Variants in CAMK4 observed in about 807,000 individuals in gnomAD.
CAMK4 encodes the protein calcium/calmodulin dependent protein kinase IV, also known as calcium/calmodulin-dependent protein kinase type IV.
In CAMK4, 22 loss-of-function variants were observed where a neutral mutation model predicts 44.9. The observed-to-expected ratio is 0.49, with a 90% CI of 0.35 to 0.70. CAMK4 has a LOEUF of 0.70. Ranked by LOEUF, CAMK4 falls within the 30% of genes least tolerant of loss-of-function variation. The pLI is 0.01. For missense variants in CAMK4, 498 were observed against 586.8 expected, an observed-to-expected ratio of 0.85 and a Z score of 1.56; for synonymous variants, 218 against 215.4, an observed-to-expected ratio of 1.01 and a Z score of -0.11.
chr5:111,331,494 G>A (rs1240494976), intron 1 of CAMK4, among the ~76,000 whole-genome samples: 1 of 151,740 alleles, frequency 6.6e-6, no homozygotes, highest in African/African-American at 2.4e-5. Flanking sequence ...GAATGAAATG[G>A]TACAACCACA....
chr5:111,265,325 G>T (rs1231253877), intron 1 of CAMK4, among the ~76,000 whole-genome samples: 1 of 152,172 alleles, frequency 6.6e-6, no homozygotes, highest in Non-Finnish European at 1.5e-5. Context: ...ATGTGGTGTG[G>T]TTTTATACTT....
At chr5:111,439,744 C>T (rs1164173567) in intron 5 of CAMK4, among the ~76,000 whole-genome samples, 2 of 152,080 alleles carry the variant, frequency 1.3e-5, no homozygotes, top group Non-Finnish European at 2.9e-5. Context: ...TGAGCTCACC[C>T]TGGAAACACA....
intron 1 of CAMK4, among the ~76,000 whole-genome samples, chr5:111,314,822 T>G (rs1444391856): frequency 6.6e-6 from 1 of 152,120 alleles, no homozygotes; most frequent in Non-Finnish European, 1.5e-5. Flanking sequence ...GAGTTTTTAT[T>G]GTTGTTTAAA....
intron 1 of CAMK4, among the ~76,000 whole-genome samples, chr5:111,282,232 A>T (rs992748068): frequency 1.3e-5 from 2 of 152,174 alleles, no homozygotes; most frequent in Non-Finnish European, 2.9e-5. Flanking sequence ...TTTATCTAAC[A>T]TTTAAAATAC....
intron 1 of CAMK4, among the ~76,000 whole-genome samples, chr5:111,289,883 T>C (rs964501128): frequency 1.3e-5 from 2 of 152,218 alleles, no homozygotes; most frequent in East Asian, 3.8e-4. Context: ...ATACAGTAAC[T>C]CATTTCTTTA....
At chr5:111,314,260 T>C (rs193172021) in intron 1 of CAMK4, among the ~76,000 whole-genome samples, 121 of 152,196 alleles carry the variant, frequency 8.0e-4, no homozygotes, top group Admixed American at 7.1e-3. Context: ...GAACTACTTA[T>C]GAAGACTCAC....
At chr5:111,393,674 A>G (rs1751891732) in intron 4 of CAMK4, among the ~76,000 whole-genome samples, 1 of 152,106 alleles carries the variant, frequency 6.6e-6, no homozygotes, top group Non-Finnish European at 1.5e-5. Flanking sequence ...ATGAGAATAC[A>G]TGGACACAGA....
chr5:111,447,539 C>T (rs775732437), intron 6 of CAMK4, among the ~76,000 whole-genome samples: 3 of 152,076 alleles, frequency 2.0e-5, no homozygotes, highest in African/African-American at 2.4e-5. Flanking sequence ...CCAAAGAAAC[C>T]TTTAATTAGC....
chr5:111,395,420 T>C (rs1271287452), intron 5 of CAMK4, among the ~76,000 whole-genome samples: 6 of 151,666 alleles, frequency 4.0e-5, no homozygotes, highest in African/African-American at 9.7e-5. Flanking sequence ...TAACTCTTTC[T>C]TTCCCATTTC....
At chr5:111,470,229 G>A (rs1277532470) in intron 7 of CAMK4, among the ~76,000 whole-genome samples, 1 of 152,238 alleles carries the variant, frequency 6.6e-6, no homozygotes, top group Non-Finnish European at 1.5e-5. Flanking sequence ...TTGCCCCAGA[G>A]AATGAAAGCT....
intron 1 of CAMK4, among the ~76,000 whole-genome samples, chr5:111,331,741 A>C (rs1186591615): frequency 6.6e-6 from 1 of 151,680 alleles, no homozygotes; most frequent in African/African-American, 2.4e-5. Flanking sequence ...ATTTATATAT[A>C]TGGTTTTGAC....
chr5:111,358,125 G>A (rs980439834), intron 2 of CAMK4: 7 of 152,122 alleles, frequency 4.6e-5, no homozygotes, highest in African/African-American at 1.7e-4. Context: ...AGTGCTGCTT[G>A]TAAGTTACAC....
At chr5:111,446,811 T>C (rs752794526) in intron 6 of CAMK4, 35 bp downstream of exon 6, 4 of 1,311,682 alleles carry the variant, frequency 3.0e-6, no homozygotes, top group Admixed American at 3.4e-5. Context: ...TGACCCCTTT[T>C]TTCAGAGCAG....
intron 1 of CAMK4, among the ~76,000 whole-genome samples, chr5:111,235,236 A>G (rs1415301499): frequency 1.3e-5 from 2 of 152,192 alleles, no homozygotes; most frequent in Non-Finnish European, 2.9e-5. Flanking sequence ...AAACTGCTCT[A>G]AGATTAGTGT....
chr5:111,292,943 A>C (rs1747335427), intron 1 of CAMK4, among the ~76,000 whole-genome samples: 1 of 152,166 alleles, frequency 6.6e-6, no homozygotes, highest in South Asian at 2.1e-4. Flanking sequence ...ATATATTTGA[A>C]GTATCCTTTA....
In CAMK4 at chr5:111,492,797, G is replaced by T. The variant is rs1755899746; in HGVS notation, c.*8331G>T. The T allele has an allele frequency of 6.6e-6, 1 of 152,096 alleles. No homozygotes were observed. Among genetic ancestry groups the T allele is most frequent in the South Asian group, 2.1e-4 (1 of 4,824 alleles). The allele number at this position is 152,096 out of a possible 1,614,324, so 9.4% of individuals were successfully genotyped here. A position where few individuals can be genotyped will look rare whatever the true frequency, so the allele number is the denominator to read the frequency against. ...TCCTCCAGGAGTGAGCTTTGTAGTT[G>T]GAGAGAAAAGCCAACCTTATAGATA... On this transcript the variant is annotated 3_prime_UTR_variant, in exon 11 of 11. Coordinates refer to ENST00000282356, the MANE Select transcript of CAMK4 (RefSeq NM_001744.6).
chr5:111,403,165 C>G (rs1752293072), intron 5 of CAMK4, among the ~76,000 whole-genome samples: 1 of 152,132 alleles, frequency 6.6e-6, no homozygotes. Context: ...CAAACATACA[C>G]CCACATATTG....
At chr5:111,404,173 G>T (rs992298159) in intron 5 of CAMK4, among the ~76,000 whole-genome samples, 1 of 152,152 alleles carries the variant, frequency 6.6e-6, no homozygotes, top group African/African-American at 2.4e-5. Context: ...TATTGATGAA[G>T]ACAGTCTTAA....
At chr5:111,394,438 A>T (rs1409255741) in intron 4 of CAMK4, among the ~76,000 whole-genome samples, 1 of 152,212 alleles carries the variant, frequency 6.6e-6, no homozygotes, top group East Asian at 1.9e-4. Flanking sequence ...GTTTAAAATG[A>T]TTCACAAAAC....
Sources: gnomAD v4.1 joint callset for allele counts (sites outside exome capture counted in the v4.1 genomes callset) on GRCh38, gnomAD v4.1.1 for gene constraint, MANE v1.5 for transcripts, NCBI Gene and HGNC (gene_info 2026-07-23, HGNC 2026-07-21) for gene names.